The following SLCO2A1 variants were observed in gnomAD, a reference collection of about 807,000 sequenced individuals.
SLCO2A1 encodes solute carrier organic anion transporter family member 2A1, also known as matrin F/G 1.
In SLCO2A1, 60 loss-of-function variants were observed where a neutral mutation model predicts 71.7. The observed-to-expected ratio is 0.84, with a 90% CI of 0.68 to 1.04. The LOEUF (loss-of-function observed/expected upper bound fraction) is 1.04. Among genes scored for constraint, SLCO2A1 ranks in the 50% least tolerant of loss-of-function variants. SLCO2A1 has a pLI of 0.00. For missense variants in SLCO2A1, 745 were observed against 813.4 expected (o/e 0.92, Z 1.02); for synonymous variants, 308 against 326.7 (o/e 0.94, Z 0.62).
At chr3:134,003,060 T>G (rs912960524) in intron 1 of SLCO2A1, among the ~76,000 whole-genome samples, 1 of 152,188 alleles carries the variant, frequency 6.6e-6, no homozygotes, top group African/African-American at 2.4e-5. Flanking sequence ...CCCAACTACT[T>G]TGAACATTCC....
chr3:133,998,114 C>A (rs1038400636), intron 1 of SLCO2A1, among the ~76,000 whole-genome samples: 2 of 152,166 alleles, frequency 1.3e-5, no homozygotes, highest in African/African-American at 4.8e-5. Flanking sequence ...AGGAGACATG[C>A]CATGGGATCC....
At chr3:133,952,250 C>G (rs1933762704) in intron 5 of SLCO2A1, among the ~76,000 whole-genome samples, 1 of 152,206 alleles carries the variant, frequency 6.6e-6, no homozygotes, top group African/African-American at 2.4e-5. Context: ...TGGCTTTCTA[C>G]TTTCATTGGA....
At chr3:133,963,590 C>T (rs111602433) in intron 3 of SLCO2A1, among the ~76,000 whole-genome samples, 2,297 of 152,312 alleles carry the variant, frequency 0.015, 59 homozygotes, top group African/African-American at 0.049. Context: ...CCACCCATCC[C>T]CTCCCTGCTC....
intron 1 of SLCO2A1, among the ~76,000 whole-genome samples, chr3:134,010,490 A>G (rs1935311635): frequency 6.6e-6 from 1 of 152,096 alleles, no homozygotes; most frequent in East Asian, 1.9e-4. Context: ...GCGGTGGCTC[A>G]CGCCTGTAAT....
At chr3:133,978,838 G>A (rs1204046485) in intron 2 of SLCO2A1, among the ~76,000 whole-genome samples, 5 of 152,234 alleles carry the variant, frequency 3.3e-5, no homozygotes, top group African/African-American at 9.6e-5. Flanking sequence ...CCTGCCCTCT[G>A]ACCTCCCACC....
intron 2 of SLCO2A1, among the ~76,000 whole-genome samples, chr3:133,977,889 G>C (rs527368602): frequency 1.3e-5 from 2 of 152,132 alleles, no homozygotes; most frequent in African/African-American, 4.8e-5. Flanking sequence ...CCAGTCACCA[G>C]GCATCACCAG....
chr3:133,957,989 T>C (rs1933936860), intron 3 of SLCO2A1, among the ~76,000 whole-genome samples: 1 of 152,136 alleles, frequency 6.6e-6, no homozygotes, highest in African/African-American at 2.4e-5. Context: ...GTGTCTGCCA[T>C]CTTGAAAGAA....
rs1199469410 is a variant in SLCO2A1 at position 133,985,643 on chromosome 3, C to T, written c.97-6025G>A. Among the ~76,000 whole-genome samples the T allele has an allele frequency of 2.6e-5, 4 of 152,170 alleles. No homozygotes were observed. In the East Asian group the frequency reaches 7.7e-4, roughly 29 times the overall value. On this transcript the variant is annotated intron_variant, in intron 1 of 13. Coordinates refer to ENST00000310926, the MANE Select transcript of SLCO2A1 (RefSeq NM_005630.3). ...TTTGATTTCTCATTTATTGACATTT[C>T]CTCCCACCAGAATATAGACTTCATG...
intron 8 of SLCO2A1, among the ~76,000 whole-genome samples, chr3:133,948,268 G>A (rs565601553): frequency 6.6e-6 from 1 of 152,348 alleles, no homozygotes; most frequent in East Asian, 1.9e-4. Context: ...TTGGGAAGCT[G>A]TCAGACTTCC....
chr3:133,964,236 T>C (rs757595682), intron 3 of SLCO2A1, among the ~76,000 whole-genome samples: 1 of 152,182 alleles, frequency 6.6e-6, no homozygotes, highest in Admixed American at 6.5e-5. Context: ...GTTCCAATCT[T>C]GGCTCTACTG....
intron 1 of SLCO2A1, among the ~76,000 whole-genome samples, chr3:133,983,065 C>T (rs1263810133): frequency 6.6e-6 from 1 of 152,160 alleles, no homozygotes; most frequent in Non-Finnish European, 1.5e-5. Flanking sequence ...GACACTCTAT[C>T]AAGGGGTGGG....
chr3:133,971,154 G>A (rs1476714478), intron 3 of SLCO2A1, among the ~76,000 whole-genome samples: 1 of 152,228 alleles, frequency 6.6e-6, no homozygotes, highest in African/African-American at 2.4e-5. Flanking sequence ...CAGTGCCCCA[G>A]GCTCCCTTGC....
chr3:134,012,791 T>C (rs941373314), intron 1 of SLCO2A1, among the ~76,000 whole-genome samples: 1 of 152,164 alleles, frequency 6.6e-6, no homozygotes, highest in Admixed American at 6.5e-5. Context: ...CTTCTCCCCA[T>C]AGGTCCCTAA....
At chr3:134,003,735 C>T (rs917322699) in intron 1 of SLCO2A1, among the ~76,000 whole-genome samples, 6 of 152,194 alleles carry the variant, frequency 3.9e-5, no homozygotes, top group African/African-American at 1.2e-4. Context: ...TGTGGCAACT[C>T]GGCTAGGCCA....
At chr3:133,952,889 C>T (rs910233041) in intron 5 of SLCO2A1, among the ~76,000 whole-genome samples, 1 of 152,106 alleles carries the variant, frequency 6.6e-6, no homozygotes, top group Admixed American at 6.5e-5. Context: ...CCCGTCCCAG[C>T]GCCCACACAG....
chr3:133,984,804 A>T (rs1414096859), intron 1 of SLCO2A1, among the ~76,000 whole-genome samples: 1 of 152,130 alleles, frequency 6.6e-6, no homozygotes, highest in Non-Finnish European at 1.5e-5. Flanking sequence ...GTTTTTGATG[A>T]TTTGAGTTTT....
intron 3 of SLCO2A1, among the ~76,000 whole-genome samples, chr3:133,970,186 C>T (rs913991105): frequency 1.9e-4 from 29 of 152,234 alleles, no homozygotes; most frequent in Admixed American, 1.9e-3. Flanking sequence ...AAAGCCACCA[C>T]TTAGTGATTA....
At chr3:134,014,381 C>T (rs1051695771) in intron 1 of SLCO2A1, among the ~76,000 whole-genome samples, 1 of 152,146 alleles carries the variant, frequency 6.6e-6, no homozygotes, top group African/African-American at 2.4e-5. Flanking sequence ...GAGCTGCTGG[C>T]TGCAGAGTAT....
intron 10 of SLCO2A1, among the ~76,000 whole-genome samples, chr3:133,944,198 T>C (rs1933506122): frequency 6.6e-6 from 1 of 152,208 alleles, no homozygotes; most frequent in South Asian, 2.1e-4. Flanking sequence ...ACTTCTAATG[T>C]CACCCTCTCC....
Sources: gnomAD v4.1 joint callset for allele counts (sites outside exome capture counted in the v4.1 genomes callset) on GRCh38, gnomAD v4.1.1 for gene constraint, MANE v1.5 for transcripts, NCBI Gene and HGNC (gene_info 2026-07-23, HGNC 2026-07-21) for gene names.